MYO16: variants seen among roughly 807,000 people sequenced by gnomAD.
The protein encoded by MYO16 is unconventional myosin-XVI.
Under a neutral mutation model 205.3 loss-of-function variants are expected in MYO16, and 94 were observed. The ratio of observed to expected loss-of-function variants is 0.46; its 90% CI spans 0.39 to 0.54. MYO16 has a LOEUF of 0.54. Among genes scored for constraint, MYO16 ranks in the 20% least tolerant of loss-of-function variants. MYO16 has a pLI of 0.00. For synonymous variants in MYO16, 988 were observed against 954.0 expected (o/e 1.04, Z -0.66); for missense variants, 2,315 against 2,387.5 (o/e 0.97, Z 0.63).
chr13:108,920,230 G>T (rs923562648), intron 16 of MYO16, among the ~76,000 whole-genome samples: 1 of 152,302 alleles, frequency 6.6e-6, no homozygotes, highest in Non-Finnish European at 1.5e-5. Context: ...GGACAAGGAG[G>T]CTCTGAATTC....
chr13:109,163,454 C>CCCTT (rs139385635), intron 32 of MYO16, among the ~76,000 whole-genome samples: 15,779 of 137,880 alleles, frequency 0.11, 1,139 homozygotes, highest in East Asian at 0.26. Flanking sequence ...ATGGAACCTT[C>CCCTT]CCTTCCTTCC....
intron 5 of MYO16, among the ~76,000 whole-genome samples, chr13:108,788,885 C>T (rs56361644): frequency 0.018 from 2,672 of 152,290 alleles, 69 homozygotes; most frequent in African/African-American, 0.061. Flanking sequence ...CTTTGAGCTT[C>T]TACTTAGGTT....
At chr13:109,194,174 T>C (rs1880049243) in intron 34 of MYO16, among the ~76,000 whole-genome samples, 1 of 152,202 alleles carries the variant, frequency 6.6e-6, no homozygotes, top group East Asian at 1.9e-4. Flanking sequence ...AGCCCCTCGA[T>C]GGAGGTGGTC....
intron 4 of MYO16, among the ~76,000 whole-genome samples, chr13:108,752,794 A>C (rs1351948863): frequency 1.6e-5 from 2 of 126,846 alleles, no homozygotes; most frequent in African/African-American, 5.8e-5. Context: ...GACACCTGCC[A>C]CCGTGCCCAG....
At chr13:109,095,337 G>A (rs528348386) in intron 27 of MYO16, among the ~76,000 whole-genome samples, 14 of 152,316 alleles carry the variant, frequency 9.2e-5, no homozygotes, top group South Asian at 2.1e-4. Context: ...CCTGTGCTCC[G>A]GACTCACGTC....
chr13:108,945,515 A>G (rs1467351774), intron 16 of MYO16, among the ~76,000 whole-genome samples: 2 of 152,234 alleles, frequency 1.3e-5, no homozygotes, highest in East Asian at 1.9e-4. Flanking sequence ...ATCCTATGCA[A>G]TAGAACATTA....
chr13:108,664,326 C>T (rs556115109), intron 1 of MYO16, among the ~76,000 whole-genome samples: 1 of 152,276 alleles, frequency 6.6e-6, no homozygotes, highest in East Asian at 1.9e-4. Context: ...AATCATGGTG[C>T]TTTGGTTTGT....
the MYO16 span, among the ~76,000 whole-genome samples, chr13:108,504,615 A>G: frequency 6.6e-6 from 1 of 151,622 alleles, no homozygotes; most frequent in African/African-American, 2.4e-5. Flanking sequence ...GGCTCACTGC[A>G]ACCTCTGCCT....
At chr13:108,611,917 G>A (rs1444797988) in intron 1 of MYO16, among the ~76,000 whole-genome samples, 4 of 147,046 alleles carry the variant, frequency 2.7e-5, no homozygotes, top group East Asian at 4.0e-4. Flanking sequence ...TTGTGTTCCA[G>A]TTGTGTATTG....
intron 12 of MYO16, among the ~76,000 whole-genome samples, chr13:108,871,128 A>C (rs1415650282): frequency 6.6e-6 from 1 of 152,164 alleles, no homozygotes; most frequent in Non-Finnish European, 1.5e-5. Flanking sequence ...TCTGCTGATA[A>C]AATCATTCCT....
chr13:108,765,807 T>C (rs541426652), intron 4 of MYO16, among the ~76,000 whole-genome samples: 1 of 152,342 alleles, frequency 6.6e-6, no homozygotes, highest in Non-Finnish European at 1.5e-5. Flanking sequence ...CATTTAGTTT[T>C]GTTATTTCGT....
intron 25 of MYO16, among the ~76,000 whole-genome samples, chr13:109,053,421 A>T (rs971723375): frequency 6.6e-5 from 10 of 152,040 alleles, no homozygotes; most frequent in African/African-American, 2.4e-4. Context: ...TCTGCCACAT[A>T]GAAAATGGCA....
chr13:108,559,470 C>CTTTTTTTTTTTTTTTTTTTT, the MYO16 span, among the ~76,000 whole-genome samples: 33 of 87,422 alleles, frequency 3.8e-4, no homozygotes, highest in African/African-American at 5.8e-4. Flanking sequence ...TTTTTCTTTT[C>CTTTTTTTTTTTTTTTTTTTT]TTTTTTTTTT....
In MYO16 at chr13:109,055,443, T is replaced by C; in HGVS notation, c.3183T>C (p.Ile1061=). ...GKLQKCTPHF[I]HCIRPNNSKL... ...TTCAGAAGTGCACTCCACACTTCAT[T>C]CATTGCATCAGGCCCAATAACTCAA... Residue 1061 remains isoleucine (I), a synonymous_variant, in exon 27 of 35, where the codon ATT becomes ATC. Transcript: ENST00000457511. The surrounding 1 kb of genome is among the most constrained non-coding windows in gnomAD (Gnocchi z 5.0). 1.9e-6 allele frequency: 3 copies of C among 1,613,196 alleles called. No homozygotes were observed. The highest frequency in any genetic ancestry group is 2.5e-6 in the Non-Finnish European group (3 of 1,179,488).
At chr13:108,597,622 C>T (rs953803685) in intron 1 of MYO16, among the ~76,000 whole-genome samples, 1 of 152,172 alleles carries the variant, frequency 6.6e-6, no homozygotes, top group Non-Finnish European at 1.5e-5. Flanking sequence ...TATTTCTCAA[C>T]TCATTTTATA....
intron 31 of MYO16, among the ~76,000 whole-genome samples, chr13:109,132,476 G>A (rs1451025689): frequency 6.6e-6 from 1 of 151,994 alleles, no homozygotes; most frequent in Non-Finnish European, 1.5e-5. Flanking sequence ...CTTCATTCTA[G>A]AACAACATGT....
chr13:109,153,712 C>CT (rs1877814412), intron 32 of MYO16, among the ~76,000 whole-genome samples: 1 of 152,118 alleles, frequency 6.6e-6, no homozygotes, highest in African/African-American at 2.4e-5. Flanking sequence ...TGAGCCGAGA[C>CT]TGCAGCACTG....
chr13:108,730,990 C>A (rs1884502844), intron 4 of MYO16, among the ~76,000 whole-genome samples: 3 of 152,162 alleles, frequency 2.0e-5, no homozygotes, highest in Non-Finnish European at 4.4e-5. Context: ...ATAATGACTT[C>A]TTTTTCTCTT....
chr13:108,910,822 C>T (rs1881220128), intron 16 of MYO16, among the ~76,000 whole-genome samples: 1 of 152,010 alleles, frequency 6.6e-6, no homozygotes, highest in Non-Finnish European at 1.5e-5. Flanking sequence ...GAAAAGAGCA[C>T]AAGAGAGAAT....
Sources: allele counts gnomAD v4.1 joint callset (sites outside exome capture counted in the v4.1 genomes callset), GRCh38; gene constraint gnomAD v4.1.1; non-coding constraint Gnocchi (gnomAD v3.1); transcripts MANE v1.5; gene names NCBI Gene and HGNC (gene_info 2026-07-23, HGNC 2026-07-21).